WNK3: variants seen among roughly 807,000 people sequenced by gnomAD.
The protein encoded by WNK3 is serine/threonine-protein kinase WNK3.
Under a neutral mutation model 116.7 loss-of-function variants are expected in WNK3, and 18 were observed. That is an observed-to-expected ratio of 0.15 (90% confidence interval 0.11 to 0.23). WNK3 has a LOEUF of 0.23. Among genes scored for constraint, WNK3 ranks in the 10% least tolerant of loss-of-function variants. The probability of loss-of-function intolerance (pLI) is 1.00; values close to 1 mark genes in which losing one functional copy is unlikely to be tolerated. For missense variants in WNK3, 993 were observed against 1,323.8 expected (o/e 0.75, Z 3.88); for synonymous variants, 404 against 469.4 (o/e 0.86, Z 1.80).
chrX:54,323,699 A>G (rs967036542), intron 2 of WNK3, among the ~76,000 whole-genome samples: 2 of 111,086 alleles, frequency 1.8e-5, no homozygotes, highest in African/African-American at 6.5e-5. Flanking sequence ...AAACAAACCT[A>G]TATTAAACAG....
chrX:54,256,955 ACT>A (rs1376021066), intron 11 of WNK3, among the ~76,000 whole-genome samples: 1 of 112,112 alleles, frequency 8.9e-6, no homozygotes, highest in Non-Finnish European at 1.9e-5. Flanking sequence ...GATGGCAGAA[ACT>A]CAACTCTCCC....
chrX:54,337,013 T>A (rs60076461), intron 1 of WNK3, among the ~76,000 whole-genome samples: 2,192 of 111,040 alleles, frequency 0.02, 55 homozygotes, highest in African/African-American at 0.069. Context: ...TGAAAAAAAG[T>A]TAACTAGTTT....
intron 10 of WNK3, among the ~76,000 whole-genome samples, chrX:54,269,728 C>G (rs1477329758): frequency 9.1e-6 from 1 of 110,320 alleles, no homozygotes; most frequent in Non-Finnish European, 1.9e-5. Flanking sequence ...AGAACAACTA[C>G]CAGCAATGAA....
chrX:54,204,323 T>G (rs1557142265), intron 22 of WNK3, among the ~76,000 whole-genome samples: 1 of 110,591 alleles, frequency 9.0e-6, no homozygotes, highest in Non-Finnish European at 1.9e-5. Flanking sequence ...TTCACCATGT[T>G]GCCAGGCTGG....
intron 15 of WNK3, 85 bp downstream of exon 15, chrX:54,251,314 A>G (rs2068126928): frequency 9.5e-6 from 6 of 631,491 alleles, no homozygotes; most frequent in Non-Finnish European, 4.8e-6. Flanking sequence ...TTATTGGCTA[A>G]CATCTTTCCC....
At chrX:54,293,246 T>C in exon 9 of WNK3, 4 of 1,211,271 alleles carry the variant, frequency 3.3e-6, no homozygotes, top group Non-Finnish European at 4.5e-6. Flanking sequence ...CATCGTTTGA[T>C]TTGAGGAATA....
At chrX:54,293,637 C>G (rs2147111533) in intron 8 of WNK3, among the ~76,000 whole-genome samples, 1 of 111,977 alleles carries the variant, frequency 8.9e-6, no homozygotes, top group East Asian at 2.8e-4. Context: ...CTACACTTGA[C>G]ATAAGGATTT....
chrX:54,354,859 G>A (rs969742136), intron 1 of WNK3, among the ~76,000 whole-genome samples: 3 of 110,440 alleles, frequency 2.7e-5, no homozygotes, highest in African/African-American at 9.9e-5. Context: ...CGAGGCGGGC[G>A]GATCACTTGA....
intron 2 of WNK3, among the ~76,000 whole-genome samples, chrX:54,315,298 G>A (rs1557170573): frequency 1.2e-5 from 1 of 80,624 alleles, no homozygotes; most frequent in East Asian, 4.0e-4. Context: ...GGGAGACCTT[G>A]TCTCAAAAAA....
intron 10 of WNK3, among the ~76,000 whole-genome samples, chrX:54,284,104 G>A (rs1470153663): frequency 1.8e-5 from 2 of 110,860 alleles, no homozygotes; most frequent in African/African-American, 3.3e-5. Context: ...TTACAAAAAC[G>A]AATGGGCAAT....
At chrX:54,351,976 T>C (rs1165346223) in intron 1 of WNK3, among the ~76,000 whole-genome samples, 1 of 111,808 alleles carries the variant, frequency 8.9e-6, no homozygotes, top group Non-Finnish European at 1.9e-5. Context: ...GGAAGAAACT[T>C]TGCAAATCAC....
chrX:54,295,204 C>G lies in WNK3; in HGVS notation c.1399-357G>C, dbSNP rs781898778. ...AGCCACCGCGCCCGGCCAATTTTAA[C>G]TTTTTTTTTTTTTACTAGCAGTTAT... On this transcript the variant is annotated intron_variant, in intron 7 of 23. Transcript: ENST00000354646. Among the ~76,000 whole-genome samples, 260 of 102,274 alleles carry G rather than the reference C, an allele frequency of 2.5e-3. 1 individual carries two copies. Among genetic ancestry groups the G allele is most frequent in the African/African-American group, 8.7e-3 (248 of 28,394 alleles). The allele number at this position is 102,274 out of a possible 115,157, so 88.8% of individuals were successfully genotyped here. A position where few individuals can be genotyped will look rare whatever the true frequency, so the allele number is the denominator to read the frequency against.
At chrX:54,276,348 C>A (rs1422787551) in intron 10 of WNK3, among the ~76,000 whole-genome samples, 7 of 106,613 alleles carry the variant, frequency 6.6e-5, no homozygotes, top group African/African-American at 2.5e-4. Context: ...AACAAACAAA[C>A]AAACAAAAAA....
chrX:54,194,438 A>C (rs1291520642), exon 24 of WNK3: 1 of 112,546 alleles, frequency 8.9e-6, no homozygotes, highest in African/African-American at 3.2e-5. Context: ...TTAGGCACAC[A>C]GACGAGAAAT....
intron 10 of WNK3, among the ~76,000 whole-genome samples, chrX:54,269,948 C>G (rs2068360411): frequency 9.0e-6 from 1 of 111,011 alleles, no homozygotes; most frequent in Non-Finnish European, 1.9e-5. Flanking sequence ...TGATAAAATA[C>G]CACACATTTT....
intron 10 of WNK3, among the ~76,000 whole-genome samples, chrX:54,285,669 AT>A: frequency 8.9e-6 from 1 of 112,219 alleles, no homozygotes; most frequent in Middle Eastern, 4.6e-3. Flanking sequence ...AACAGAGATT[AT>A]ATAGCCTGCA....
intron 2 of WNK3, among the ~76,000 whole-genome samples, chrX:54,319,936 T>C (rs782480659): frequency 8.1e-4 from 91 of 112,253 alleles, no homozygotes; most frequent in African/African-American, 2.7e-3. Context: ...GAAGCTGACA[T>C]AGTCAAATGC....
At chrX:54,281,811 T>C (rs1362682969) in intron 10 of WNK3, among the ~76,000 whole-genome samples, 1 of 111,178 alleles carries the variant, frequency 9.0e-6, no homozygotes, top group Non-Finnish European at 1.9e-5. Flanking sequence ...TATACACACA[T>C]ATACATGTAT....
chrX:54,263,682 G>A (rs1185565744), intron 10 of WNK3, among the ~76,000 whole-genome samples: 1 of 111,598 alleles, frequency 9.0e-6, no homozygotes, highest in African/African-American at 3.2e-5. Context: ...AGCCAGAGTT[G>A]AAATCCAGGT....
Sources: gnomAD v4.1 joint callset for allele counts (sites outside exome capture counted in the v4.1 genomes callset) on GRCh38, gnomAD v4.1.1 for gene constraint, MANE v1.5 for transcripts, NCBI Gene and HGNC (gene_info 2026-07-23, HGNC 2026-07-21) for gene names.